The following CNTN5 variants were observed in gnomAD, a reference collection of about 807,000 sequenced individuals.
The protein encoded by CNTN5 is contactin-5.
Under a neutral mutation model 129.1 loss-of-function variants are expected in CNTN5, and 77 were observed. That is an observed-to-expected ratio of 0.60 (90% confidence interval 0.50 to 0.72). The LOEUF (loss-of-function observed/expected upper bound fraction) is 0.72. CNTN5 is among the 30% of genes least tolerant of loss of function. CNTN5 has a pLI of 0.00. For synonymous variants in CNTN5, 509 were observed against 465.6 expected (o/e 1.09, Z -1.20); for missense variants, 1,478 against 1,328.8 (o/e 1.11, Z -1.75).
chr11:99,782,383 G>A (rs1161686517), intron 3 of CNTN5, among the ~76,000 whole-genome samples: 71 of 148,810 alleles, frequency 4.8e-4, no homozygotes, highest in South Asian at 1.3e-3. Context: ...AATCAATATC[G>A]TGAAAATGGC....
chr11:99,644,234 C>T (rs963561185), intron 3 of CNTN5, among the ~76,000 whole-genome samples: 8 of 139,068 alleles, frequency 5.8e-5, no homozygotes, highest in South Asian at 2.3e-4. Context: ...CCTCCTATTA[C>T]GTCTTTTTCC....
intron 7 of CNTN5, among the ~76,000 whole-genome samples, chr11:99,943,508 C>A (rs1012332595): frequency 6.6e-6 from 1 of 152,068 alleles, no homozygotes; most frequent in Non-Finnish European, 1.5e-5. Flanking sequence ...ATGATAGTTT[C>A]TTTTGCTGTG....
intron 2 of CNTN5, among the ~76,000 whole-genome samples, chr11:99,426,843 G>C (rs549087356): frequency 6.6e-6 from 1 of 152,106 alleles, no homozygotes; most frequent in Non-Finnish European, 1.5e-5. Flanking sequence ...TTATGATTTA[G>C]AAGGAGTTGG....
At chr11:99,988,263 T>A (rs1311835279) in intron 8 of CNTN5, among the ~76,000 whole-genome samples, 1 of 152,218 alleles carries the variant, frequency 6.6e-6, no homozygotes, top group East Asian at 1.9e-4. Flanking sequence ...CAGATTAAAG[T>A]GTGAAAATAA....
At chr11:99,575,724 T>C (rs1348570741) in intron 3 of CNTN5, among the ~76,000 whole-genome samples, 1 of 152,146 alleles carries the variant, frequency 6.6e-6, no homozygotes, top group South Asian at 2.1e-4. Context: ...AGTTGATGCT[T>C]CATAAGTAGC....
chr11:99,937,916 T>C (rs1950351005), intron 7 of CNTN5, among the ~76,000 whole-genome samples: 1 of 152,200 alleles, frequency 6.6e-6, no homozygotes, highest in Non-Finnish European at 1.5e-5. Flanking sequence ...GCATAGAAGA[T>C]ACAACTTTGC....
intron 2 of CNTN5, among the ~76,000 whole-genome samples, chr11:99,356,830 T>A (rs1439376554): frequency 2.0e-5 from 3 of 152,172 alleles, no homozygotes; most frequent in Non-Finnish European, 4.4e-5. Context: ...AGGGTTTGAT[T>A]CAGGAAATAA....
At chr11:99,585,392 G>T (rs1949760628) in intron 3 of CNTN5, among the ~76,000 whole-genome samples, 1 of 152,028 alleles carries the variant, frequency 6.6e-6, no homozygotes, top group Non-Finnish European at 1.5e-5. Context: ...AAGGTAGGAG[G>T]ATCTAGCTGT....
At chr11:99,172,654 A>T (rs962930910) in intron 1 of CNTN5, among the ~76,000 whole-genome samples, 1 of 152,216 alleles carries the variant, frequency 6.6e-6, no homozygotes, top group African/African-American at 2.4e-5. Flanking sequence ...ATAAAATATT[A>T]ATTAAATAAG....
intron 3 of CNTN5, among the ~76,000 whole-genome samples, chr11:99,639,559 GTTTTTT>G (rs71050010): frequency 1.7e-4 from 12 of 70,300 alleles, no homozygotes; most frequent in East Asian, 3.9e-4. Flanking sequence ...TCACCTTTAT[GTTTTTT>G]TTTTTTTTTT....
At chr11:99,630,425 A>T (rs1341570832) in intron 3 of CNTN5, among the ~76,000 whole-genome samples, 2 of 152,046 alleles carry the variant, frequency 1.3e-5, no homozygotes, top group East Asian at 3.9e-4. Flanking sequence ...TCATGTGAAC[A>T]TGGTTTACAT....
intron 3 of CNTN5, among the ~76,000 whole-genome samples, chr11:99,656,655 C>T (rs1401335740): frequency 6.6e-6 from 1 of 152,036 alleles, no homozygotes; most frequent in Non-Finnish European, 1.5e-5. Context: ...GCACATTTGC[C>T]CAGAGATGCC....
intron 7 of CNTN5, among the ~76,000 whole-genome samples, chr11:99,921,165 A>G (rs1417505945): frequency 6.6e-6 from 1 of 152,214 alleles, no homozygotes; most frequent in East Asian, 1.9e-4. Flanking sequence ...GCACGTTGTT[A>G]TGGCAACTTG....
chr11:99,444,502 G>T (rs1374724608), intron 2 of CNTN5, among the ~76,000 whole-genome samples: 2 of 152,130 alleles, frequency 1.3e-5, no homozygotes, highest in Non-Finnish European at 2.9e-5. Context: ...GAAAAAAAGT[G>T]TAATAACACC....
At chr11:99,317,315 A>G (rs1391806264) in intron 1 of CNTN5, among the ~76,000 whole-genome samples, 9 of 152,300 alleles carry the variant, frequency 5.9e-5, no homozygotes, top group South Asian at 2.1e-4. Context: ...GAGGCAGCCA[A>G]AAAGGACTAT....
At chr11:99,795,447 A>G (rs953064766) in intron 3 of CNTN5, among the ~76,000 whole-genome samples, 2 of 152,182 alleles carry the variant, frequency 1.3e-5, no homozygotes, top group Admixed American at 6.5e-5. Context: ...CTGATTAAGA[A>G]TCATTTTCTG....
At chr11:99,475,277 G>C (rs1485653876) in intron 2 of CNTN5, among the ~76,000 whole-genome samples, 1 of 152,168 alleles carries the variant, frequency 6.6e-6, no homozygotes, top group Non-Finnish European at 1.5e-5. Context: ...CCTGCCATCT[G>C]CCCTGTCATA....
intron 13 of CNTN5, among the ~76,000 whole-genome samples, chr11:100,136,832 A>G (rs1428657797): frequency 6.6e-6 from 1 of 151,500 alleles, no homozygotes; most frequent in Non-Finnish European, 1.5e-5. Flanking sequence ...AACACTTGGG[A>G]AAAAAAAGAA....
At position 99,226,599 on chromosome 11, in the gene CNTN5, A is replaced by G. The variant is rs117653308; in HGVS notation, c.-209-98747A>G. On this transcript the variant is annotated intron_variant, in intron 1 of 24. Transcript: ENST00000524871. The stretch of plus-strand genomic sequence containing the variant: ...CATGAAGTCTTGTTTTGAAATCACA[A>G]TTAAACTCCACTATGATTCCATAAA... Among the ~76,000 whole-genome samples, 653 of 152,242 alleles carry G rather than the reference A, an allele frequency of 4.3e-3. 3 individuals are homozygous for G. The highest frequency in any genetic ancestry group is 7.6e-3 in the Non-Finnish European group (519 of 68,002).
Sources: gnomAD v4.1 joint callset for allele counts (sites outside exome capture counted in the v4.1 genomes callset) on GRCh38, gnomAD v4.1.1 for gene constraint, MANE v1.5 for transcripts, NCBI Gene and HGNC (gene_info 2026-07-23, HGNC 2026-07-21) for gene names.